SPG7: variants seen among roughly 807,000 people sequenced by gnomAD.
The protein encoded by SPG7 is mitochondrial inner membrane m-AAA protease component paraplegin.
Under a neutral mutation model 81.9 loss-of-function variants are expected in SPG7, and 103 were observed. The ratio of observed to expected loss-of-function variants is 1.26; its 90% CI spans 1.07 to 1.48. The LOEUF is 1.48. Ranked by LOEUF, SPG7 falls within the 40% of genes most tolerant of loss-of-function variation. SPG7 has a pLI of 0.00. For missense variants in SPG7, 1,241 were observed against 1,087.3 expected (o/e 1.14, Z -1.99); for synonymous variants, 534 against 444.2 (o/e 1.20, Z -2.54).
intron 12 of SPG7, chr16:89,548,798 C>T (rs2058598583): frequency 5.2e-6 from 2 of 384,068 alleles, no homozygotes; most frequent in Non-Finnish European, 1.1e-5. Context: ...GATCAGTCAT[C>T]TCATGGAATG....
chr16:89,546,211 C>T (rs926063211), intron 10 of SPG7: 38 of 308,536 alleles, frequency 1.2e-4, no homozygotes, highest in African/African-American at 6.3e-4. Context: ...CTCAGCCTCC[C>T]GAGTAGCTGG....
chr16:89,513,015 GA>G lies in SPG7; in HGVS notation c.356del (p.Lys119ArgfsTer34), dbSNP rs1219575448. ...ATAAGGAGAAGGATAAGTCGAAGGG[GA>G]AGGCGCCTGAAGAGGACGAAGGTAT... is the stretch of plus-strand genomic sequence containing the variant. ...KNKEKDKSKG[K>X]APEEDEEERR... On this transcript the variant is annotated frameshift_variant, in exon 3 of 17. Coordinates refer to ENST00000645818, the MANE Select transcript of SPG7 (RefSeq NM_003119.4). LOFTEE classifies it high-confidence loss of function. The G allele has an allele frequency of 1.2e-6, 2 of 1,612,172 alleles. No homozygotes were observed. The highest frequency in any genetic ancestry group is 1.7e-6 in the Non-Finnish European group (2 of 1,178,838).
chr16:89,514,990 G>A (rs1287276539), intron 3 of SPG7, among the ~76,000 whole-genome samples: 1 of 144,650 alleles, frequency 6.9e-6, no homozygotes, highest in Non-Finnish European at 1.5e-5. Flanking sequence ...GGGCTGGAGT[G>A]CAGTGGTGTG....
rs148752262 is a variant in SPG7, at chr16:89,550,101, C to G, written c.1664-393C>G. ...AGGCAGATGTGCAGAGAGAGGCTTGCTTTGACCACACGGGGCAGGAGCAGG... is the reference window on the plus strand; with the variant it reads ...AGGCAGATGTGCAGAGAGAGGCTTGGTTTGACCACACGGGGCAGGAGCAGG... On this transcript the variant is annotated intron_variant, in intron 12 of 16. Coordinates refer to ENST00000645818, the MANE Select transcript of SPG7 (RefSeq NM_003119.4). 1.6e-3 allele frequency: 539 copies of G among 336,086 alleles called. 4 individuals carry two copies. Among genetic ancestry groups the G allele is most frequent in the African/African-American group, 0.011 (515 of 46,622 alleles). The allele number at this position is 336,086 out of a possible 1,614,324, so 20.8% of individuals were successfully genotyped here. A position where few individuals can be genotyped will look rare whatever the true frequency, so the allele number is the denominator to read the frequency against.
chr16:89,548,039 T>C lies in SPG7; in HGVS notation c.1589T>C (p.Leu530Pro), dbSNP rs773976733. ...DIANICNEAA[L>P]HAAREGHTSV... is the part of the protein sequence containing the mutation. ...GCCAACATCTGCAATGAGGCTGCGC[T>C]GCACGCGGCGCGGGAGGGACACACT... Residue 530 changes from leucine to proline, a missense_variant, in exon 12 of 17, where the codon CTG becomes CCG. By Grantham distance (98) the Leu-to-Pro change is moderately conservative. Transcript: ENST00000645818. 1.9e-6 allele frequency: 3 copies of C among 1,612,380 alleles called. No homozygotes were observed. Among genetic ancestry groups the C allele is most frequent in the Non-Finnish European group, 2.5e-6 (3 of 1,179,964 alleles).
chr16:89,545,916 G>A (rs932796671), intron 10 of SPG7: 12 of 452,328 alleles, frequency 2.7e-5, no homozygotes, highest in Admixed American at 9.5e-5. Flanking sequence ...GCAGTGCTGC[G>A]ATCACCACTC....
chr16:89,516,463 A>G (rs1052381671), intron 3 of SPG7, among the ~76,000 whole-genome samples: 1 of 152,028 alleles, frequency 6.6e-6, no homozygotes, highest in East Asian at 1.9e-4. Context: ...AGGCGTGAGC[A>G]TCGTTTGAAC....
chr16:89,524,735 G>A (rs1200591929), intron 4 of SPG7, among the ~76,000 whole-genome samples: 2 of 151,908 alleles, frequency 1.3e-5, no homozygotes, highest in African/African-American at 4.8e-5. Flanking sequence ...GTGAGCCATC[G>A]TGCCCAGCCA....
intron 3 of SPG7, among the ~76,000 whole-genome samples, chr16:89,516,051 A>G (rs1043380918): frequency 6.7e-5 from 10 of 148,796 alleles, no homozygotes; most frequent in African/African-American, 2.5e-4. Flanking sequence ...GCAATGGCGT[A>G]ATTTCAGATC....
At chr16:89,510,326 A>G (rs560973986) in intron 1 of SPG7, among the ~76,000 whole-genome samples, 164 bp from the exon 2 acceptor site, 3 of 152,302 alleles carry the variant, frequency 2.0e-5, no homozygotes, top group Admixed American at 2.0e-4. Context: ...GATGTTACCT[A>G]AAGCTTTGAC....
At position 89,515,652 on chromosome 16, in the gene SPG7, A is replaced by T. The variant is rs186713933; in HGVS notation, c.376+2615A>T. Among the ~76,000 whole-genome samples, 197 of 149,860 alleles carry T rather than the reference A, an allele frequency of 1.3e-3. 2 individuals carry two copies. The highest frequency in any genetic ancestry group is 4.6e-3 in the African/African-American group (190 of 41,000). ...CACTTTGGGAGGCCAAGGTGGGATG[A>T]TCACTTGAGCCCAGGAGTTTAAGAC... On this transcript the variant is annotated intron_variant, in intron 3 of 16. Transcript: ENST00000645818.
intron 3 of SPG7, among the ~76,000 whole-genome samples, chr16:89,515,444 T>C (rs571980232): frequency 2.1e-4 from 32 of 149,254 alleles, no homozygotes; most frequent in Non-Finnish European, 3.7e-4. Flanking sequence ...AATTTTTGTA[T>C]TTTCAGTAGA....
intron 3 of SPG7, chr16:89,523,519 A>G (rs888947678): frequency 5.7e-6 from 2 of 353,310 alleles, no homozygotes; most frequent in Admixed American, 7.5e-5. Context: ...ATTCATGGCC[A>G]TTGTGAGCTT....
rs377218849 is a variant in SPG7 at position 89,510,445 on chromosome 16, C to G, written c.184-45C>G. 140 of 1,233,302 alleles carry G rather than the reference C, an allele frequency of 1.1e-4. No homozygotes were observed. In the African/African-American group the frequency reaches 1.7e-3, roughly 15 times the overall value. The allele number at this position is 1,233,302 out of a possible 1,614,324, so 76.4% of individuals were successfully genotyped here. ...TTAGTCTGCATTGCTTTGGTACTCTCTAATGTTGGTGTGACCTCCAGTATT... is the reference window on the plus strand; with the variant it reads ...TTAGTCTGCATTGCTTTGGTACTCTGTAATGTTGGTGTGACCTCCAGTATT... On this transcript the variant is annotated intron_variant, in intron 1 of 16. Transcript: ENST00000645818.
At chr16:89,535,315 G>A (rs1347851690) in intron 9 of SPG7, among the ~76,000 whole-genome samples, 4 of 152,188 alleles carry the variant, frequency 2.6e-5, no homozygotes, top group African/African-American at 9.7e-5. Context: ...GTTCCCGTCT[G>A]CCTCTGGGCT....
rs199740629 is a variant in SPG7 at position 89,526,326 on chromosome 16, C to G, written c.619-3C>G. On this transcript the variant is annotated splice_polypyrimidine_tract_variant and splice_region_variant and intron_variant, in intron 4 of 16. Transcript: ENST00000645818. ...ATGGTCCCCTCTCCTTTCTGCCCCC[C>G]AGCGGCTAGCCTTGATGTACCGAAT... 3.1e-6 allele frequency: 5 copies of G among 1,613,954 alleles called. No homozygotes were observed. Among genetic ancestry groups the G allele is most frequent in the South Asian group, 2.2e-5 (2 of 91,078 alleles).
intron 12 of SPG7, chr16:89,548,810 A>G: frequency 2.6e-6 from 1 of 390,320 alleles, no homozygotes; most frequent in East Asian, 7.3e-5. Flanking sequence ...CATGGAATGG[A>G]GTTCAGACCC....
intron 3 of SPG7, among the ~76,000 whole-genome samples, chr16:89,513,309 C>T (rs987820464): frequency 1.3e-5 from 2 of 151,610 alleles, no homozygotes; most frequent in African/African-American, 2.4e-5. Context: ...CTGAGGCAGG[C>T]GGATCACCTG....
intron 5 of SPG7, chr16:89,529,256 C>T: frequency 3.3e-6 from 2 of 601,416 alleles, no homozygotes; most frequent in East Asian, 5.7e-5. Flanking sequence ...CATCTGCACA[C>T]TCAGTCTGAC....
Sources: gnomAD v4.1 joint callset for allele counts (sites outside exome capture counted in the v4.1 genomes callset) on GRCh38, gnomAD v4.1.1 for gene constraint, MANE v1.5 for transcripts, NCBI Gene and HGNC (gene_info 2026-07-23, HGNC 2026-07-21) for gene names.